CEP19: variants seen among roughly 807,000 people sequenced by gnomAD.
The protein encoded by CEP19 is centrosomal protein 19.
Under a neutral mutation model 17.5 loss-of-function variants are expected in CEP19, and 14 were observed. The observed-to-expected ratio is 0.80, with a 90% CI of 0.53 to 1.25. CEP19 has a LOEUF of 1.25. Ranked by LOEUF, CEP19 falls within the 50% of genes most tolerant of loss-of-function variation. CEP19 has a pLI of 0.00. For synonymous variants in CEP19, 59 were observed against 65.5 expected (o/e 0.90, Z 0.48); for missense variants, 193 against 192.0 (o/e 1.01, Z -0.03).
chr3:196,711,930 C>G lies in CEP19; in HGVS notation c.-72G>C, dbSNP rs1327404653. ...CTAGTGCAAGGCTGGCTTTCTTACC[C>G]TTAGAGGAATACAGAAATGACATCG... is the stretch of plus-strand genomic sequence containing the variant. On this transcript the variant is annotated splice_region_variant and 5_prime_UTR_variant, in exon 1 of 3. Coordinates refer to ENST00000409690, the MANE Select transcript of CEP19 (RefSeq NM_032898.5). The G allele has an allele frequency of 1.4e-6, 1 of 717,500 alleles. No homozygotes were observed. The highest frequency in any genetic ancestry group is 2.6e-6 in the Non-Finnish European group (1 of 385,070). The allele number at this position is 717,500 out of a possible 1,614,324, so 44.4% of individuals were successfully genotyped here.
chr3:196,707,503 T>G lies in CEP19; in HGVS notation c.*48A>C. 6.5e-7 allele frequency: 1 copy of G among 1,538,868 alleles called. No homozygotes were observed. Among genetic ancestry groups the G allele is most frequent in the South Asian group, 1.3e-5 (1 of 79,338 alleles). Reference sequence around the variant, plus strand: ...GCTTCTTCCAGAACCAGTCTGGTAATAAACATGGATATTCTGCTAGCCCAA... The same window carrying G: ...GCTTCTTCCAGAACCAGTCTGGTAAGAAACATGGATATTCTGCTAGCCCAA... On this transcript the variant is annotated 3_prime_UTR_variant, in exon 3 of 3. Coordinates refer to ENST00000409690, the MANE Select transcript of CEP19 (RefSeq NM_032898.5).
At chr3:196,709,423 A>G (rs1180946525) in intron 1 of CEP19, among the ~76,000 whole-genome samples, 2 of 152,182 alleles carry the variant, frequency 1.3e-5, no homozygotes, top group Non-Finnish European at 2.9e-5. Flanking sequence ...TTCCACCACA[A>G]TATCTCAGCA....
rs1264516225 is a variant in CEP19 at position 196,708,747 on chromosome 3, A to G, written c.-70-20T>C. The stretch of plus-strand genomic sequence containing the variant: ...TTCCTGCTAAAGGGAAAAAACAACT[A>G]GGTGTTGGATAAATGTCATTCATTC... On this transcript the variant is annotated intron_variant, in intron 1 of 2. Coordinates refer to ENST00000409690, the MANE Select transcript of CEP19 (RefSeq NM_032898.5). 4 of 1,347,802 alleles carry G rather than the reference A, an allele frequency of 3.0e-6. No homozygotes were observed. Among genetic ancestry groups the G allele is most frequent in the Non-Finnish European group, 4.1e-6 (4 of 964,004 alleles). 83.5% of individuals were successfully genotyped at this position (1,347,802 alleles called of 1,614,324 possible). A position where few individuals can be genotyped will look rare whatever the true frequency, so the allele number is the denominator to read the frequency against.
Position 196,712,164 on chromosome 3 carries a change from T to C in CEP19, c.-306A>G, listed in dbSNP as rs1577664183. On this transcript the variant is annotated 5_prime_UTR_variant, in exon 1 of 3. Transcript: ENST00000409690. ...CCGGGAAGCGGAGGTGGGGGCCGGCTGGGGGACCGGTCCACCGGCTCCCAC... is the reference window on the plus strand; with the variant it reads ...CCGGGAAGCGGAGGTGGGGGCCGGCCGGGGGACCGGTCCACCGGCTCCCAC... 1.7e-6 allele frequency: 1 copy of C among 574,466 alleles called. No homozygotes were observed. The highest frequency in any genetic ancestry group is 3.1e-6 in the Non-Finnish European group (1 of 319,096). The allele number at this position is 574,466 out of a possible 1,614,324, so 35.6% of individuals were successfully genotyped here.
At chr3:196,709,446 C>T (rs985265656) in intron 1 of CEP19, among the ~76,000 whole-genome samples, 3 of 152,196 alleles carry the variant, frequency 2.0e-5, no homozygotes, top group African/African-American at 7.2e-5. Flanking sequence ...ATACCTGGAA[C>T]GTAGTGGGCA....
intron 1 of CEP19, among the ~76,000 whole-genome samples, chr3:196,711,387 G>A (rs1711770289): frequency 6.6e-6 from 1 of 151,668 alleles, no homozygotes; most frequent in Non-Finnish European, 1.5e-5. Context: ...GTGCAGTGGC[G>A]TGATCTCCCC....
At position 196,706,360 on chromosome 3, in the gene CEP19, A is replaced by C. The variant is rs940655497; in HGVS notation, c.*1191T>G. 6.6e-6 allele frequency: 1 copy of C among 152,234 alleles called. No individual in the cohort carries two copies. Among genetic ancestry groups the C allele is most frequent in the African/African-American group, 2.4e-5 (1 of 41,466 alleles). The allele number at this position is 152,234 out of a possible 1,614,324, so 9.4% of individuals were successfully genotyped here. A position where few individuals can be genotyped will look rare whatever the true frequency, so the allele number is the denominator to read the frequency against. On this transcript the variant is annotated 3_prime_UTR_variant, in exon 3 of 3. Transcript: ENST00000409690. ...CTACCAACTAAACAATATTGTAATA[A>C]GGATAAATGTATCAAATCACAGATA...
intron 1 of CEP19, 74 bp from the exon 2 acceptor site, chr3:196,708,801 G>T: frequency 2.5e-6 from 2 of 796,244 alleles, no homozygotes; most frequent in South Asian, 1.8e-5. Context: ...AGAAGATCTG[G>T]TTCTAGTCCG....
intron 1 of CEP19, among the ~76,000 whole-genome samples, chr3:196,709,717 C>T (rs903992620): frequency 6.6e-6 from 1 of 152,194 alleles, no homozygotes; most frequent in African/African-American, 2.4e-5. Context: ...CAAGAAACAG[C>T]TATTTGTAGA....
chr3:196,707,798 G>C lies in CEP19; in HGVS notation c.245C>G (p.Ser82Trp), dbSNP rs543733692. 21 of 1,614,122 alleles carry C rather than the reference G, an allele frequency of 1.3e-5. No individual in the cohort carries two copies. The highest frequency in any genetic ancestry group is 3.3e-5 in the South Asian group (3 of 91,090). The change falls in exon 3 of 3, where the codon TCG (serine) becomes TGG (tryptophan). Residue 82 changes from serine to tryptophan, a missense_variant. Ser to Trp is a radical substitution (Grantham distance 177). Coordinates refer to ENST00000409690, the MANE Select transcript of CEP19 (RefSeq NM_032898.5). ...KLFSFLRGYL[S>W]GQSLAETMEQ... Reference sequence around the variant, plus strand: ...CATTGTTTCTGCCAGACTCTGCCCCGACAAGTAACCTCGTAAAAAACTGAA... The same window carrying C: ...CATTGTTTCTGCCAGACTCTGCCCCCACAAGTAACCTCGTAAAAAACTGAA...
Position 196,706,799 on chromosome 3 carries a change from CT to C in CEP19, c.*751del, listed in dbSNP as rs1711531356. Reference sequence around the variant, plus strand: ...TCCCCTCTCCTTCTTTTCAGTTGCTCTTATCAGGAATCCTACACAAGCATCT... The same window carrying C: ...TCCCCTCTCCTTCTTTTCAGTTGCTCTATCAGGAATCCTACACAAGCATCT... On this transcript the variant is annotated 3_prime_UTR_variant, in exon 3 of 3. Coordinates refer to ENST00000409690, the MANE Select transcript of CEP19 (RefSeq NM_032898.5). The C allele has an allele frequency of 6.6e-6, 1 of 151,952 alleles. No individual in the cohort carries two copies. The allele number at this position is 151,952 out of a possible 1,614,324, so 9.4% of individuals were successfully genotyped here. A position where few individuals can be genotyped will look rare whatever the true frequency, so the allele number is the denominator to read the frequency against.
At position 196,708,678 on chromosome 3, in the gene CEP19, A is replaced by G. The variant is rs1443960383; in HGVS notation, c.-21T>C. On this transcript the variant is annotated 5_prime_UTR_variant, in exon 2 of 3. Transcript: ENST00000409690. ...ATCATTCCCATGTACATGTCCGGGTAAGTCAGAGGAAATCTGATGAATATG... is the reference window on the plus strand; with the variant it reads ...ATCATTCCCATGTACATGTCCGGGTGAGTCAGAGGAAATCTGATGAATATG... The G allele has an allele frequency of 6.2e-7, 1 of 1,612,290 alleles. No individual in the cohort carries two copies. The highest frequency in any genetic ancestry group is 8.5e-7 in the Non-Finnish European group (1 of 1,178,964).
At chr3:196,708,092 A>G (rs767798140) in intron 2 of CEP19, among the ~76,000 whole-genome samples, 180 bp from the exon 3 acceptor site, 7 of 152,196 alleles carry the variant, frequency 4.6e-5, no homozygotes, top group Non-Finnish European at 8.8e-5. Context: ...ATTCCTTTAT[A>G]TTGAGCTTTC....
intron 1 of CEP19, 118 bp from the exon 2 acceptor site, chr3:196,708,845 A>T (rs1577660239): frequency 5.2e-6 from 3 of 571,468 alleles, no homozygotes; most frequent in Non-Finnish European, 9.1e-6. Context: ...TGTGAAACTC[A>T]TTTTTTTTAA....
chr3:196,709,441 TG>T, intron 1 of CEP19, among the ~76,000 whole-genome samples: 1 of 152,342 alleles, frequency 6.6e-6, no homozygotes, highest in East Asian at 1.9e-4. Context: ...GCATAATACC[TG>T]GAACGTAGTG....
intron 1 of CEP19, 59 bp downstream of exon 1, chr3:196,711,870 A>G: frequency 1.4e-6 from 1 of 717,176 alleles, no homozygotes; most frequent in South Asian, 1.5e-5. Context: ...AATGTCCCCA[A>G]AGAGTAGACG....
chr3:196,711,865 C>G (rs746330107), intron 1 of CEP19, 64 bp downstream of exon 1: 28 of 716,802 alleles, frequency 3.9e-5, no homozygotes, highest in Admixed American at 1.8e-4. Flanking sequence ...GTACGAATGT[C>G]CCCAAAGAGT....
chr3:196,710,920 C>T (rs1711738165), intron 1 of CEP19, among the ~76,000 whole-genome samples: 1 of 147,164 alleles, frequency 6.8e-6, no homozygotes. Context: ...AATGAGCTCA[C>T]ACCATTTCTC....
chr3:196,712,207 C>T lies in CEP19; in HGVS notation c.-349G>A. ...GCTCCCACCTCGGCGTACAGGGATT[C>T]CAGGTCCCGGCGAGCGCTGGCCTAG... On this transcript the variant is annotated 5_prime_UTR_variant, in exon 1 of 3. Coordinates refer to ENST00000409690, the MANE Select transcript of CEP19 (RefSeq NM_032898.5). The T allele has an allele frequency of 7.3e-6, 4 of 544,370 alleles. No individual in the cohort carries two copies. The highest frequency in any genetic ancestry group is 1.9e-5 in the African/African-American group (1 of 52,594). The allele number at this position is 544,370 out of a possible 1,614,324, so 33.7% of individuals were successfully genotyped here. A position where few individuals can be genotyped will look rare whatever the true frequency, so the allele number is the denominator to read the frequency against.
Sources: allele counts gnomAD v4.1 joint callset (sites outside exome capture counted in the v4.1 genomes callset), GRCh38; gene constraint gnomAD v4.1.1; transcripts MANE v1.5; gene names NCBI Gene and HGNC (gene_info 2026-07-23, HGNC 2026-07-21).